PLCL1: variants seen among roughly 807,000 people sequenced by gnomAD.
PLCL1 encodes the protein phospholipase C like 1 (inactive).
A neutral mutation model predicts 84.4 loss-of-function variants in PLCL1; 41 were observed. The observed-to-expected ratio is 0.49, with a 90% CI of 0.38 to 0.63. The LOEUF is 0.63. Among genes scored for constraint, PLCL1 ranks in the 30% least tolerant of loss-of-function variants. The probability of loss-of-function intolerance (pLI) is 0.00; values close to 1 mark genes in which losing one functional copy is unlikely to be tolerated. For missense variants in PLCL1, 1,206 were observed against 1,367.8 expected (o/e 0.88, Z 1.87); for synonymous variants, 490 against 488.3 (o/e 1.00, Z -0.05).
chr2:198,068,536 AG>A (rs1214586862), intron 1 of PLCL1, among the ~76,000 whole-genome samples: 1 of 152,212 alleles, frequency 6.6e-6, no homozygotes, highest in East Asian at 1.9e-4. Flanking sequence ...TTATCCTCTC[AG>A]GGGTTGTGCT....
intron 1 of PLCL1, among the ~76,000 whole-genome samples, chr2:198,031,705 T>A (rs1691429271): frequency 6.6e-6 from 1 of 151,202 alleles, no homozygotes; most frequent in East Asian, 1.9e-4. Context: ...ACATCACTTT[T>A]GTTTTTATAT....
intron 1 of PLCL1, among the ~76,000 whole-genome samples, chr2:197,861,217 AG>A (rs1054349374): frequency 1.1e-4 from 17 of 152,254 alleles, no homozygotes; most frequent in African/African-American, 3.8e-4. Flanking sequence ...AGAAGGAGAG[AG>A]GGGATAAAGT....
intron 5 of PLCL1, among the ~76,000 whole-genome samples, chr2:198,114,851 A>G (rs1277228392): frequency 1.3e-5 from 2 of 151,744 alleles, no homozygotes; most frequent in African/African-American, 4.8e-5. Flanking sequence ...ATATACACAC[A>G]TATATGGTAT....
intron 1 of PLCL1, among the ~76,000 whole-genome samples, chr2:198,003,500 G>A (rs1367467407): frequency 5.3e-5 from 8 of 152,216 alleles, no homozygotes; most frequent in Admixed American, 2.0e-4. Context: ...GACTTTAGTT[G>A]TAGTTTAGGA....
At chr2:198,032,341 A>C (rs1330678963) in intron 1 of PLCL1, among the ~76,000 whole-genome samples, 1 of 152,206 alleles carries the variant, frequency 6.6e-6, no homozygotes, top group Non-Finnish European at 1.5e-5. Flanking sequence ...TAATAAAAAA[A>C]AAACTCCTTC....
intron 1 of PLCL1, among the ~76,000 whole-genome samples, chr2:198,081,029 C>A (rs2105893774): frequency 6.6e-6 from 1 of 152,292 alleles, no homozygotes; most frequent in South Asian, 2.1e-4. Flanking sequence ...GCTATTCTGA[C>A]ATGAGTGGTT....
chr2:198,126,070 T>C (rs2105931887), intron 5 of PLCL1, among the ~76,000 whole-genome samples: 1 of 152,260 alleles, frequency 6.6e-6, no homozygotes, highest in East Asian at 1.9e-4. Context: ...ATTCTTTAAT[T>C]TGTTTCTAGT....
At chr2:197,867,353 G>C (rs1046528709) in intron 1 of PLCL1, among the ~76,000 whole-genome samples, 1 of 150,978 alleles carries the variant, frequency 6.6e-6, no homozygotes, top group African/African-American at 2.4e-5. Context: ...ATTAAATTCT[G>C]TTATAGCAGT....
intron 1 of PLCL1, among the ~76,000 whole-genome samples, chr2:198,077,629 G>T (rs1034749214): frequency 2.0e-5 from 3 of 152,022 alleles, no homozygotes; most frequent in Non-Finnish European, 4.4e-5. Context: ...TATGCTCAAG[G>T]TTCTATTTAT....
chr2:197,817,186 T>C (rs887367783), intron 1 of PLCL1, among the ~76,000 whole-genome samples: 1 of 152,106 alleles, frequency 6.6e-6, no homozygotes, highest in Non-Finnish European at 1.5e-5. Flanking sequence ...ACAGCACTTA[T>C]GCAATAAAGT....
intron 1 of PLCL1, among the ~76,000 whole-genome samples, chr2:197,820,284 T>C (rs897074382): frequency 6.6e-6 from 1 of 152,138 alleles, no homozygotes; most frequent in African/African-American, 2.4e-5. Flanking sequence ...GTTGCTGCTG[T>C]AATAAGTTGC....
intron 1 of PLCL1, among the ~76,000 whole-genome samples, chr2:197,997,162 C>T (rs543210056): frequency 6.6e-6 from 1 of 152,350 alleles, no homozygotes; most frequent in East Asian, 1.9e-4. Context: ...GCATTTCTTC[C>T]TTCCCATCTG....
chr2:197,914,970 A>G (rs1306323626), intron 1 of PLCL1, among the ~76,000 whole-genome samples: 1 of 152,206 alleles, frequency 6.6e-6, no homozygotes, highest in Non-Finnish European at 1.5e-5. Context: ...AACCTGGAAC[A>G]TGATTCATAT....
intron 1 of PLCL1, among the ~76,000 whole-genome samples, chr2:198,040,272 G>T (rs1364652443): frequency 1.3e-5 from 2 of 152,136 alleles, no homozygotes; most frequent in Non-Finnish European, 2.9e-5. Context: ...TGAAAAACTG[G>T]CTCTTGGGCT....
chr2:197,918,518 A>G (rs987328122), intron 1 of PLCL1, among the ~76,000 whole-genome samples: 5 of 152,234 alleles, frequency 3.3e-5, no homozygotes, highest in African/African-American at 1.2e-4. Context: ...AGTATGGAGT[A>G]TATAGGAACT....
intron 1 of PLCL1, among the ~76,000 whole-genome samples, chr2:197,992,462 G>A (rs4595967): frequency 0.18 from 27,368 of 151,652 alleles, 2,559 homozygotes; most frequent in Middle Eastern, 0.26. Context: ...ACAGGGTTTT[G>A]CCATGTTGCC....
intron 1 of PLCL1, among the ~76,000 whole-genome samples, chr2:197,886,183 G>A (rs1196221349): frequency 1.3e-5 from 2 of 151,908 alleles, no homozygotes; most frequent in African/African-American, 2.4e-5. Context: ...AGGCTGAGGC[G>A]GGCGGATCAC....
chr2:198,133,731 T>C (rs1195724029), intron 5 of PLCL1, among the ~76,000 whole-genome samples: 1 of 152,182 alleles, frequency 6.6e-6, no homozygotes, highest in Non-Finnish European at 1.5e-5. Flanking sequence ...GTGAATTTGC[T>C]GTTCCATTTC....
rs1334674049 is a variant in PLCL1 at position 198,045,222 on chromosome 2, CAAGTT to C, written c.241-38534_241-38530del. 1.1e-4 allele frequency among the ~76,000 whole-genome samples: 17 copies of C among 152,046 alleles called. 1 individual carries two copies. The highest frequency in any genetic ancestry group is 2.1e-4 in the South Asian group (1 of 4,826). Reference sequence around the variant, plus strand: ...TTGGGGTGATAAGTCCTTTTGTTGTCAAGTTATTTTTCTCTTAACATTTGTATATA... The same window carrying C: ...TTGGGGTGATAAGTCCTTTTGTTGTCATTTTTCTCTTAACATTTGTATATA... On this transcript the variant is annotated intron_variant, in intron 1 of 5. Coordinates refer to ENST00000428675, the MANE Select transcript of PLCL1 (RefSeq NM_006226.4).
Sources: allele counts gnomAD v4.1 joint callset (sites outside exome capture counted in the v4.1 genomes callset), GRCh38; gene constraint gnomAD v4.1.1; transcripts MANE v1.5; gene names NCBI Gene and HGNC (gene_info 2026-07-23, HGNC 2026-07-21).